PAXIP1: variants seen among roughly 807,000 people sequenced by gnomAD.
The protein encoded by PAXIP1 is PAX-interacting protein 1.
PAXIP1 carries 19 observed loss-of-function variants against 140.6 expected under a neutral mutation model. The ratio of observed to expected loss-of-function variants is 0.14; its 90% confidence interval spans 0.09 to 0.20. PAXIP1 has a LOEUF of 0.20. PAXIP1 is among the 10% of genes least tolerant of loss of function. The probability of loss-of-function intolerance (pLI) is 1.00; values close to 1 mark genes in which losing one functional copy is unlikely to be tolerated. For missense variants in PAXIP1, 920 were observed against 1,208.6 expected (o/e 0.76, Z 3.54); for synonymous variants, 442 against 444.6 (o/e 0.99, Z 0.07).
rs1378774916 is a variant in PAXIP1 at position 154,973,305 on chromosome 7, G to A, written c.1074+2391C>T. On this transcript the variant is annotated intron_variant, in intron 6 of 20. Transcript: ENST00000404141. This position sits in a 1 kb window ranked among gnomAD's most constrained non-coding sequence, Gnocchi z 4.0. ...CATGGAGCGGTGGGCACTGAAGCAGGCCCAAGAGCTCCTAACGGGCAGCTG... is the reference window on the plus strand; with the variant it reads ...CATGGAGCGGTGGGCACTGAAGCAGACCCAAGAGCTCCTAACGGGCAGCTG... Among the ~76,000 whole-genome samples, 2 of 152,032 alleles carry A rather than the reference G, an allele frequency of 1.3e-5. No homozygotes were observed. Among genetic ancestry groups the A allele is most frequent in the East Asian group, 1.9e-4 (1 of 5,188 alleles).
intron 7 of PAXIP1, 148 bp downstream of exon 7, chr7:154,968,255 T>G: frequency 1.5e-6 from 1 of 672,086 alleles, no homozygotes; most frequent in Non-Finnish European, 2.5e-6. Flanking sequence ...CCATGGTAAC[T>G]ATATTCTTTG....
intron 6 of PAXIP1, among the ~76,000 whole-genome samples, chr7:154,971,161 T>C (rs1809299751): frequency 6.6e-6 from 1 of 152,200 alleles, no homozygotes; most frequent in African/African-American, 2.4e-5. Context: ...CTCCATCTGA[T>C]CTCAGAGGGC....
rs1478671940 is a variant in PAXIP1, at chr7:154,986,099, G to A, written c.325-2767C>T. The A allele has an allele frequency of 7.3e-7, 1 of 1,363,752 alleles. No individual in the cohort carries two copies. Among genetic ancestry groups the A allele is most frequent in the Non-Finnish European group, 9.8e-7 (1 of 1,020,844 alleles). 84.5% of individuals were successfully genotyped at this position (1,363,752 alleles called of 1,614,324 possible). A position where few individuals can be genotyped will look rare whatever the true frequency, so the allele number is the denominator to read the frequency against. The stretch of plus-strand genomic sequence containing the variant: ...ATGATCTCTGTGCTTCCCAACTTCT[G>A]CTGGACAAGCTCCCTTCCCTACCTC... On this transcript the variant is annotated intron_variant, in intron 4 of 20. Coordinates refer to ENST00000404141, the MANE Select transcript of PAXIP1 (RefSeq NM_007349.4). The surrounding 1 kb of genome is among the most constrained non-coding windows in gnomAD (Gnocchi z 4.8).
chr7:154,976,774 A>G (rs1809602018), intron 5 of PAXIP1, among the ~76,000 whole-genome samples: 1 of 152,218 alleles, frequency 6.6e-6, no homozygotes, highest in South Asian at 2.1e-4. Context: ...CTCATGGAGC[A>G]TGGCTGACTT....
intron 6 of PAXIP1, among the ~76,000 whole-genome samples, chr7:154,975,173 AC>A (rs371828017): frequency 3.3e-4 from 49 of 147,508 alleles, no homozygotes; most frequent in African/African-American, 1.2e-3. Context: ...AAAAAAAAAA[AC>A]AAAAACAAAA....
rs1438196977 is a variant in PAXIP1 at position 154,943,843 on chromosome 7, T to C, written c.*306A>G. 6.0e-6 allele frequency: 2 copies of C among 336,126 alleles called. No homozygotes were observed. The highest frequency in any genetic ancestry group is 1.1e-5 in the Non-Finnish European group (2 of 178,836). The allele number at this position is 336,126 out of a possible 1,614,324, so 20.8% of individuals were successfully genotyped here. A position where few individuals can be genotyped will look rare whatever the true frequency, so the allele number is the denominator to read the frequency against. On this transcript the variant is annotated 3_prime_UTR_variant, in exon 21 of 21. Coordinates refer to ENST00000404141, the MANE Select transcript of PAXIP1 (RefSeq NM_007349.4). ...CAAGGTCTTTATTTACACCATTTTA[T>C]TTCTAGTTGAAGTCCCGTAACAGTT... is the stretch of plus-strand genomic sequence containing the variant.
At position 154,944,445 on chromosome 7, in the gene PAXIP1, T is replaced by G. The variant is rs892726236; in HGVS notation, c.3195-281A>C. On this transcript the variant is annotated intron_variant, in intron 20 of 20. Transcript: ENST00000404141. ...CTGAGGCCCAGCAATAGCTGAAATG[T>G]CCTTTAAATTAACATGTACAACACA... 47 of 289,436 alleles carry G rather than the reference T, an allele frequency of 1.6e-4. 2 individuals carry two copies. 17.9% of individuals were successfully genotyped at this position (289,436 alleles called of 1,614,324 possible). A position where few individuals can be genotyped will look rare whatever the true frequency, so the allele number is the denominator to read the frequency against.
intron 6 of PAXIP1, chr7:154,974,378 C>T (rs1022490233): frequency 2.0e-5 from 3 of 152,306 alleles, no homozygotes; most frequent in Admixed American, 2.0e-4. Flanking sequence ...CCAAGAAAGA[C>T]CATACTCCTC....
intron 17 of PAXIP1, chr7:154,947,264 T>C (rs774876213): frequency 3.1e-5 from 5 of 159,992 alleles, no homozygotes; most frequent in Admixed American, 6.0e-5. Context: ...ATATTGATGC[T>C]TAAGATTTAA....
chr7:154,952,386 C>T (rs1808312307), intron 16 of PAXIP1, among the ~76,000 whole-genome samples: 1 of 152,178 alleles, frequency 6.6e-6, no homozygotes, highest in Admixed American at 6.5e-5. Context: ...CCTTCCTGTT[C>T]CAGCTGAAAT....
At chr7:154,967,152 C>T (rs1366133988) in intron 8 of PAXIP1, among the ~76,000 whole-genome samples, 3 of 152,184 alleles carry the variant, frequency 2.0e-5, no homozygotes, top group Non-Finnish European at 1.5e-5. Context: ...ACTGCTCTTC[C>T]GTTTTCTCCG....
At position 154,995,643 on chromosome 7, in the gene PAXIP1, G is replaced by GGA. The variant is rs1810555505; in HGVS notation, c.217-1875_217-1874insTC. ...GGCGGGCGGATCACTTGAGGTGACAGGTTCGAGACCAGCCTGGCCAACATG... is the reference window on the plus strand; with the variant it reads ...GGCGGGCGGATCACTTGAGGTGACAGGAGTTCGAGACCAGCCTGGCCAACATG... On this transcript the variant is annotated intron_variant, in intron 2 of 20. Transcript: ENST00000404141. 3.3e-5 allele frequency among the ~76,000 whole-genome samples: 5 copies of GGA among 152,268 alleles called. No individual in the cohort carries two copies. The South Asian group carries it at 1.0e-3, about 32-fold the overall frequency.
At chr7:154,977,695 G>A (rs755367203) in intron 5 of PAXIP1, among the ~76,000 whole-genome samples, 65 of 152,102 alleles carry the variant, frequency 4.3e-4, no homozygotes, top group Non-Finnish European at 8.1e-4. Flanking sequence ...GACTAGAAAG[G>A]ACCACGATTA....
In PAXIP1 at chr7:154,959,870, A is replaced by G. The variant is rs531767595; in HGVS notation, c.2478+20T>C. Reference sequence around the variant, plus strand: ...TAATAATACAGTAATAGCCAAGGTAAGGTTATTAATTTGACATACCATCAA... The same window carrying G: ...TAATAATACAGTAATAGCCAAGGTAGGGTTATTAATTTGACATACCATCAA... On this transcript the variant is annotated intron_variant, in intron 13 of 20. Transcript: ENST00000404141. 56 of 1,528,606 alleles carry G rather than the reference A, an allele frequency of 3.7e-5. 1 individual carries two copies. The South Asian group carries it at 6.2e-4, about 17-fold the overall frequency. The allele number at this position is 1,528,606 out of a possible 1,614,324, so 94.7% of individuals were successfully genotyped here. A position where few individuals can be genotyped will look rare whatever the true frequency, so the allele number is the denominator to read the frequency against.
intron 20 of PAXIP1, chr7:154,944,396 A>C (rs1306633757): frequency 7.2e-6 from 3 of 416,100 alleles, no homozygotes; most frequent in Non-Finnish European, 1.3e-5. Flanking sequence ...CCAGCTCCGC[A>C]AGGTATCCAC....
intron 14 of PAXIP1, 73 bp downstream of exon 14, chr7:154,957,148 TTCC>T: frequency 1.4e-6 from 1 of 732,670 alleles, no homozygotes; most frequent in South Asian, 1.8e-5. Context: ...TTTAGAAACT[TTCC>T]TCAATTGCCA....
In PAXIP1 at chr7:154,997,015, A is replaced by T. The variant is rs182317965; in HGVS notation, c.216+1635T>A. Among the ~76,000 whole-genome samples the T allele has an allele frequency of 4.6e-4, 70 of 152,252 alleles. No homozygotes were observed. The Middle Eastern group carries it at 0.02, about 44-fold the overall frequency. Reference sequence around the variant, plus strand: ...CTCCAGGCTATTGTCTGAGAGAAAGAAAGTTTGTAGGAAGGAGAAGGAAGA... The same window carrying T: ...CTCCAGGCTATTGTCTGAGAGAAAGTAAGTTTGTAGGAAGGAGAAGGAAGA... On this transcript the variant is annotated intron_variant, in intron 2 of 20. Coordinates refer to ENST00000404141, the MANE Select transcript of PAXIP1 (RefSeq NM_007349.4).
intron 2 of PAXIP1, among the ~76,000 whole-genome samples, chr7:154,994,959 T>TA (rs999290864): frequency 2.8e-4 from 42 of 152,214 alleles, no homozygotes; most frequent in African/African-American, 9.9e-4. Flanking sequence ...CAGTTAAATT[T>TA]AAAAAAATGG....
Position 154,946,062 on chromosome 7 carries a change from T to G in PAXIP1, c.3194+303A>C. On this transcript the variant is annotated intron_variant, in intron 20 of 20. Coordinates refer to ENST00000404141, the MANE Select transcript of PAXIP1 (RefSeq NM_007349.4). This position sits in a 1 kb window ranked among gnomAD's most constrained non-coding sequence, Gnocchi z 4.9. ...TGATAAAAAGAAACATATATTTATT[T>G]TTGCAATTATTTTCTATTTTATCTA... 2 of 978,588 alleles carry G rather than the reference T, an allele frequency of 2.0e-6. No individual in the cohort carries two copies. The highest frequency in any genetic ancestry group is 2.4e-6 in the Non-Finnish European group (2 of 823,690). The allele number at this position is 978,588 out of a possible 1,614,324, so 60.6% of individuals were successfully genotyped here.
Sources: gnomAD v4.1 joint callset for allele counts (sites outside exome capture counted in the v4.1 genomes callset) on GRCh38, gnomAD v4.1.1 for gene constraint, Gnocchi (gnomAD v3.1) non-coding constraint, MANE v1.5 for transcripts, NCBI Gene and HGNC (gene_info 2026-07-23, HGNC 2026-07-21) for gene names.